Variants in KIAA0825 observed in about 807,000 individuals in gnomAD.
KIAA0825 encodes uncharacterized protein KIAA0825.
A neutral mutation model predicts 147.6 loss-of-function variants in KIAA0825; 119 were observed. The ratio of observed to expected loss-of-function variants is 0.81; its 90% CI spans 0.69 to 0.94. KIAA0825 has a LOEUF of 0.94. Among genes scored for constraint, KIAA0825 ranks in the 40% least tolerant of loss-of-function variants. The pLI is 0.00. For missense variants in KIAA0825, 1,381 were observed against 1,472.7 expected, an observed-to-expected ratio of 0.94 and a Z score of 1.02; for synonymous variants, 470 against 518.1, an observed-to-expected ratio of 0.91 and a Z score of 1.26.
intron 5 of KIAA0825, among the ~76,000 whole-genome samples, chr5:94,514,506 T>G (rs928739746): frequency 2.6e-5 from 4 of 152,188 alleles, no homozygotes; most frequent in African/African-American, 9.7e-5. Flanking sequence ...TTCAAATTAT[T>G]GAAGGATTCT....
At chr5:94,192,067 C>T (rs1172616751) in intron 20 of KIAA0825, among the ~76,000 whole-genome samples, 4 of 152,216 alleles carry the variant, frequency 2.6e-5, no homozygotes, top group Admixed American at 6.5e-5. Flanking sequence ...ACAGAGAAAG[C>T]GAACTAGGCG....
chr5:94,502,555 A>T (rs1187107156), intron 5 of KIAA0825, among the ~76,000 whole-genome samples: 1 of 152,226 alleles, frequency 6.6e-6, no homozygotes, highest in Non-Finnish European at 1.5e-5. Flanking sequence ...AGTGTGAATA[A>T]GAATGGTAAC....
rs144051862 is a variant in KIAA0825, at chr5:94,415,133, C to T, written c.2662+2068G>A. ...ATATTTCTGCTTTTTGTTTACTCAA[C>T]AATAAGATGAAGATACCACTTCATC... On this transcript the variant is annotated intron_variant, in intron 15 of 20. Transcript: ENST00000682413. 3 of 152,232 alleles carry T rather than the reference C, an allele frequency of 2.0e-5. No individual in the cohort carries two copies. In the East Asian group the frequency reaches 5.8e-4, roughly 29 times the overall value. 9.4% of individuals were successfully genotyped at this position (152,232 alleles called of 1,614,324 possible). A position where few individuals can be genotyped will look rare whatever the true frequency, so the allele number is the denominator to read the frequency against.
chr5:94,192,639 G>A (rs1300617490), intron 20 of KIAA0825, among the ~76,000 whole-genome samples: 1 of 151,942 alleles, frequency 6.6e-6, no homozygotes, highest in African/African-American at 2.4e-5. Context: ...ACCCTTACCT[G>A]CGCCAGTGGC....
intron 15 of KIAA0825, 182 bp downstream of exon 15, chr5:94,417,019 A>G (rs889769929): frequency 7.7e-6 from 4 of 522,792 alleles, no homozygotes; most frequent in African/African-American, 1.9e-5. Context: ...AGTATATGAA[A>G]TTTTACAGGA....
At chr5:94,491,261 A>T (rs1562553212) in intron 5 of KIAA0825, among the ~76,000 whole-genome samples, 1 of 152,214 alleles carries the variant, frequency 6.6e-6, no homozygotes. Flanking sequence ...TGAAAGTCTT[A>T]TTATTCCAGG....
chr5:94,354,935 T>A lies in KIAA0825; in HGVS notation c.3710+29433A>T, dbSNP rs115997256. 7.2e-3 allele frequency among the ~76,000 whole-genome samples: 1,094 copies of A among 152,272 alleles called. 14 individuals are homozygous for A. Among genetic ancestry groups the A allele is most frequent in the African/African-American group, 0.026 (1,065 of 41,548 alleles). The stretch of plus-strand genomic sequence containing the variant: ...CAAGGTGGTTGGGGTGCAGCTTGTT[T>A]TTATATATTTTAGGGAGGCATGAGA... On this transcript the variant is annotated intron_variant, in intron 20 of 20. Transcript: ENST00000682413.
At chr5:94,563,778 G>A (rs1201770548) in intron 2 of KIAA0825, among the ~76,000 whole-genome samples, 1 of 152,036 alleles carries the variant, frequency 6.6e-6, no homozygotes, top group Non-Finnish European at 1.5e-5. Flanking sequence ...TCCACCTCCC[G>A]AGTTCAAGCA....
At position 94,339,823 on chromosome 5, in the gene KIAA0825, G is replaced by C. The variant is rs1267292001; in HGVS notation, c.3710+44545C>G. On this transcript the variant is annotated intron_variant, in intron 20 of 20. Coordinates refer to ENST00000682413, the MANE Select transcript of KIAA0825 (RefSeq NM_001145678.3). ...AATTTGGTAGCATAAGACTTGTCCTGTTCTTTAAGAAACAGGCCAAATATT... is the reference window on the plus strand; with the variant it reads ...AATTTGGTAGCATAAGACTTGTCCTCTTCTTTAAGAAACAGGCCAAATATT... Among the ~76,000 whole-genome samples the C allele has an allele frequency of 2.0e-5, 3 of 152,108 alleles. No homozygotes were observed. In the South Asian group the frequency reaches 6.2e-4, roughly 32 times the overall value.
At chr5:94,282,561 G>T (rs1221616838) in intron 20 of KIAA0825, among the ~76,000 whole-genome samples, 2 of 152,032 alleles carry the variant, frequency 1.3e-5, no homozygotes, top group East Asian at 3.9e-4. Flanking sequence ...AGAAGAAAAA[G>T]AATGATGAAC....
At chr5:94,303,635 C>A (rs1778540412) in intron 20 of KIAA0825, among the ~76,000 whole-genome samples, 2 of 152,052 alleles carry the variant, frequency 1.3e-5, no homozygotes, top group African/African-American at 4.8e-5. Context: ...GGTTCAAATT[C>A]AAGTTGGCAA....
intron 10 of KIAA0825, 50 bp downstream of exon 10, chr5:94,469,911 A>T: frequency 6.9e-7 from 1 of 1,446,392 alleles, no homozygotes. Context: ...GCAGGTACGC[A>T]GTAAAACATA....
chr5:94,590,280 A>G (rs1784115076), intron 1 of KIAA0825, among the ~76,000 whole-genome samples: 1 of 152,144 alleles, frequency 6.6e-6, no homozygotes, highest in African/African-American at 2.4e-5. Flanking sequence ...CAGGCATGAG[A>G]CACAGCACTC....
At chr5:94,609,588 C>T (rs1284300495) in intron 1 of KIAA0825, among the ~76,000 whole-genome samples, 1 of 151,858 alleles carries the variant, frequency 6.6e-6, no homozygotes, top group African/African-American at 2.4e-5. Context: ...ATGAGAAAGC[C>T]CTAGAAAGAT....
At chr5:94,277,744 C>T (rs1228801605) in intron 20 of KIAA0825, among the ~76,000 whole-genome samples, 1 of 152,140 alleles carries the variant, frequency 6.6e-6, no homozygotes, top group Non-Finnish European at 1.5e-5. Flanking sequence ...TACCATTCAA[C>T]CCACCAATCC....
At chr5:94,413,695 A>C (rs1584420993) in intron 15 of KIAA0825, 1 of 152,232 alleles carries the variant, frequency 6.6e-6, no homozygotes, top group East Asian at 1.9e-4. Flanking sequence ...AAAATGTTCC[A>C]TATCTTTATC....
rs1162443896 is a variant in KIAA0825 at position 94,408,592 on chromosome 5, T to C, written c.2663-4799A>G. 2.6e-5 allele frequency among the ~76,000 whole-genome samples: 4 copies of C among 151,928 alleles called. No individual in the cohort carries two copies. In the East Asian group the frequency reaches 5.8e-4, roughly 22 times the overall value. The stretch of plus-strand genomic sequence containing the variant: ...TTCACCATGTTGGCCAGACTGGTCT[T>C]GAACTCCCAACCTCAGGTGATCTGC... On this transcript the variant is annotated intron_variant, in intron 15 of 20. Coordinates refer to ENST00000682413, the MANE Select transcript of KIAA0825 (RefSeq NM_001145678.3).
At chr5:94,530,711 C>T (rs541126728) in intron 3 of KIAA0825, among the ~76,000 whole-genome samples, 4 of 152,202 alleles carry the variant, frequency 2.6e-5, no homozygotes, top group Non-Finnish European at 4.4e-5. Context: ...AAAGATGAGC[C>T]GGCCACAGCA....
intron 2 of KIAA0825, among the ~76,000 whole-genome samples, chr5:94,542,169 T>C (rs1773456465): frequency 6.6e-6 from 1 of 152,200 alleles, no homozygotes; most frequent in South Asian, 2.1e-4. Context: ...CTTTGGAGAC[T>C]GTGACATCAG....
Sources: allele counts gnomAD v4.1 joint callset (sites outside exome capture counted in the v4.1 genomes callset), GRCh38; gene constraint gnomAD v4.1.1; transcripts MANE v1.5; gene names NCBI Gene and HGNC (gene_info 2026-07-23, HGNC 2026-07-21).